CHD7: variants seen among roughly 807,000 people sequenced by gnomAD.
The protein encoded by CHD7 is chromodomain helicase DNA binding protein 7, also known as ATP-dependent chromatin remodeler CHD7.
A neutral mutation model predicts 307.3 loss-of-function variants in CHD7; 24 were observed. The ratio of observed to expected loss-of-function variants is 0.08; its 90% CI spans 0.06 to 0.11. CHD7 has a LOEUF of 0.11. Ranked by LOEUF, CHD7 falls within the 10% of genes least tolerant of loss-of-function variation. The probability of loss-of-function intolerance (pLI) is 1.00; values close to 1 mark genes in which losing one functional copy is unlikely to be tolerated. For missense variants in CHD7, 3,106 were observed against 3,727.1 expected, an observed-to-expected ratio of 0.83 and a Z score of 4.34; for synonymous variants, 1,363 against 1,349.9, an observed-to-expected ratio of 1.01 and a Z score of -0.21.
At chr8:60,766,619 G>A (rs1054754135) in intron 2 of CHD7, among the ~76,000 whole-genome samples, 1 of 152,176 alleles carries the variant, frequency 6.6e-6, no homozygotes, top group African/African-American at 2.4e-5. Context: ...TGTCTACATT[G>A]AAGGTGGAGG....
rs755790992 is a variant in CHD7, at chr8:60,856,099, T to C, written c.7061T>C (p.Val2354Ala). 2.5e-6 allele frequency: 4 copies of C among 1,611,484 alleles called. No homozygotes were observed. In the South Asian group the frequency reaches 4.4e-5, roughly 18 times the overall value. Residue 2354 changes from valine to alanine, a missense_variant, in exon 33 of 38, where the codon GTG (valine) becomes GCG (alanine). By Grantham distance (64) the Val-to-Ala change is moderately conservative (BLOSUM62 0). This residue lies in a region of CHD7 where 1,030 missense variants were observed against 1,165.4 expected (regional missense o/e 0.88). Coordinates refer to ENST00000423902, the MANE Select transcript of CHD7 (RefSeq NM_017780.4). ...ATCCCAGGTTACACACCCACCACAG[T>C]GGACAGCCCCTTGCAGAAGAGGAGC... ...GLIPGYTPTT[V>A]DSPLQKRSFA... is the part of the protein sequence containing the mutation.
chr8:60,762,488 C>A (rs1483229491), intron 2 of CHD7, among the ~76,000 whole-genome samples: 2 of 152,184 alleles, frequency 1.3e-5, no homozygotes, highest in Non-Finnish European at 2.9e-5. Flanking sequence ...GGGTGAATTA[C>A]ATAGCTTCTC....
intron 3 of CHD7, among the ~76,000 whole-genome samples, chr8:60,790,801 G>T (rs887035848): frequency 2.0e-4 from 31 of 152,166 alleles, no homozygotes; most frequent in Admixed American, 1.6e-3. Flanking sequence ...TTGCAGTAAT[G>T]TTACCACCAA....
chr8:60,737,792 TA>T, intron 1 of CHD7, among the ~76,000 whole-genome samples: 1 of 152,214 alleles, frequency 6.6e-6, no homozygotes, highest in Admixed American at 6.5e-5. Context: ...GAGTATTTTG[TA>T]AAATGGCAAC....
At chr8:60,777,677 A>C (rs1336559621) in intron 2 of CHD7, among the ~76,000 whole-genome samples, 1 of 152,140 alleles carries the variant, frequency 6.6e-6, no homozygotes, top group Non-Finnish European at 1.5e-5. Flanking sequence ...TCTGATTTAT[A>C]TGTTGTGAAC....
Position 60,795,071 on chromosome 8 carries a change from G to A in CHD7, c.2182G>A (p.Asp728Asn), listed in dbSNP as rs756365280. ...AGAAGGTTCTGAAAATTCAGACTTAGACAAAACACCCCCACCATCTCCTCC... is the reference window on the plus strand; with the variant it reads ...AGAAGGTTCTGAAAATTCAGACTTAAACAAAACACCCCCACCATCTCCTCC... ...KTEGSENSDLDKTPPPSPPPE... is the reference protein window; with the variant it reads ...KTEGSENSDLNKTPPPSPPPE... Residue 728 changes from aspartate (D) to asparagine (N), a missense_variant, in exon 4 of 38, where the codon GAC becomes AAC. This residue lies in a region of CHD7 where 998 missense variants were observed against 1,004.5 expected (regional missense o/e 0.99). Coordinates refer to ENST00000423902, the MANE Select transcript of CHD7 (RefSeq NM_017780.4). 8.1e-6 allele frequency: 13 copies of A among 1,613,900 alleles called. No homozygotes were observed. In the East Asian group the frequency reaches 2.2e-4, roughly 28 times the overall value.
At chr8:60,836,402 C>G in intron 16 of CHD7, 119 bp downstream of exon 16, 1 of 749,382 alleles carries the variant, frequency 1.3e-6, no homozygotes, top group Non-Finnish European at 2.1e-6. Flanking sequence ...GGAAGTGCAT[C>G]ACATGTCATT....
intron 1 of CHD7, among the ~76,000 whole-genome samples, chr8:60,727,601 T>C (rs1379374473): frequency 6.6e-6 from 1 of 152,204 alleles, no homozygotes; most frequent in Admixed American, 6.5e-5. Context: ...CCTTGTTGGC[T>C]GACTCCTCTG....
In CHD7 at chr8:60,860,990, A is replaced by G. The variant is rs1242432008; in HGVS notation, c.7695A>G (p.Pro2565=). The G allele has an allele frequency of 6.2e-7, 1 of 1,614,028 alleles. No homozygotes were observed. The highest frequency in any genetic ancestry group is 1.7e-5 in the Admixed American group (1 of 60,028). ...TTCCTTCTCCCGGACAGCTGGACCC[A>G]GACACACGGATCCCTGTTATCAATC... ...RNIPSPGQLD[P]DTRIPVINLE... The change falls in exon 35 of 38, where the codon CCA becomes CCG. Residue 2565 remains proline (P), a synonymous_variant. Coordinates refer to ENST00000423902, the MANE Select transcript of CHD7 (RefSeq NM_017780.4).
At chr8:60,860,865 C>G (rs1230022034) in intron 34 of CHD7, 39 bp from the exon 35 acceptor site, 3 of 1,483,148 alleles carry the variant, frequency 2.0e-6, no homozygotes, top group Non-Finnish European at 2.8e-6. Flanking sequence ...GAGGCTCTCT[C>G]TTCGTGTGAG....
chr8:60,789,709 C>T (rs567726443), intron 3 of CHD7, among the ~76,000 whole-genome samples: 2 of 152,208 alleles, frequency 1.3e-5, no homozygotes, highest in Non-Finnish European at 2.9e-5. Context: ...TTGTATCAAG[C>T]TTTGTTTAGA....
chr8:60,741,232 T>G (rs1808983333), intron 1 of CHD7, 27 bp from the exon 2 acceptor site: 2 of 568,856 alleles, frequency 3.5e-6, no homozygotes, highest in Non-Finnish European at 6.2e-6. Flanking sequence ...TCTTCCTTCT[T>G]CTCCCCCACC....
At chr8:60,830,607 A>T (rs1344798412) in intron 15 of CHD7, 30 bp downstream of exon 15, 5 of 1,604,248 alleles carry the variant, frequency 3.1e-6, no homozygotes, top group Non-Finnish European at 4.3e-6. Context: ...GAACTTGCTT[A>T]AGTGACGATT....
intron 19 of CHD7, among the ~76,000 whole-genome samples, chr8:60,840,332 A>G (rs1480272015): frequency 6.6e-6 from 1 of 152,088 alleles, no homozygotes; most frequent in South Asian, 2.1e-4. Context: ...CTGTGTATTC[A>G]ATATGTGCAC....
intron 1 of CHD7, among the ~76,000 whole-genome samples, chr8:60,697,604 T>C (rs543385474): frequency 6.6e-6 from 1 of 152,320 alleles, no homozygotes; most frequent in African/African-American, 2.4e-5. Flanking sequence ...GTGTCAGTTG[T>C]AAGATGTATT....
chr8:60,731,530 T>G (rs1262241682), intron 1 of CHD7, among the ~76,000 whole-genome samples: 1 of 152,198 alleles, frequency 6.6e-6, no homozygotes, highest in Non-Finnish European at 1.5e-5. Flanking sequence ...ATCCCCAGGA[T>G]GAAGGGGGAC....
intron 2 of CHD7, among the ~76,000 whole-genome samples, chr8:60,745,990 C>T (rs911986502): frequency 2.6e-5 from 4 of 152,180 alleles, no homozygotes; most frequent in African/African-American, 9.7e-5. Flanking sequence ...AACCTTGCTA[C>T]ATAATTATGT....
At chr8:60,863,249 C>G (rs1399277444) in intron 37 of CHD7, 1 of 144,528 alleles carries the variant, frequency 6.9e-6, no homozygotes, top group Non-Finnish European at 1.5e-5. Context: ...ACCGTCCTTT[C>G]CCCGACCCCA....
Position 60,861,039 on chromosome 8 carries a change from G to A in CHD7, c.7744G>A (p.Gly2582Arg). The change falls in exon 35 of 38, where the codon GGG becomes AGG. Residue 2582 changes from glycine to arginine, a missense_variant. Physicochemically the swap from Gly to Arg is moderately radical, Grantham distance 125. Transcript: ENST00000423902. ...TCTTGAAGATGGGACTAGGCTGGTG[G>A]GGGAAGATGCTCCTAAAAATAAGGA... ...INLEDGTRLV[G>R]EDAPKNKDLV... The A allele has an allele frequency of 1.2e-6, 2 of 1,613,962 alleles. No homozygotes were observed. The highest frequency in any genetic ancestry group is 1.1e-5 in the South Asian group (1 of 91,076).
Sources: allele counts gnomAD v4.1 joint callset (sites outside exome capture counted in the v4.1 genomes callset), GRCh38; gene constraint gnomAD v4.1.1; regional missense constraint gnomAD v4.1.1; transcripts MANE v1.5; gene names NCBI Gene and HGNC (gene_info 2026-07-23, HGNC 2026-07-21).